Variants in VRK1 observed in about 807,000 individuals in gnomAD.
VRK1 encodes serine/threonine-protein kinase VRK1.
In VRK1, 33 loss-of-function variants were observed where a neutral mutation model predicts 57.1. That is an observed-to-expected ratio of 0.58 (90% CI 0.44 to 0.77). The LOEUF (loss-of-function observed/expected upper bound fraction) is 0.77. VRK1 is among the 30% of genes least tolerant of loss of function. The pLI is 0.00. For missense variants in VRK1, 413 were observed against 477.3 expected (o/e 0.87, Z 1.25); for synonymous variants, 137 against 147.8 (o/e 0.93, Z 0.53).
chr14:96,878,475 T>G (rs1285341555), intron 12 of VRK1, among the ~76,000 whole-genome samples: 1 of 152,194 alleles, frequency 6.6e-6, no homozygotes, highest in Non-Finnish European at 1.5e-5. Flanking sequence ...TGATTTACAG[T>G]ATGGTAAGAG....
chr14:96,814,896 C>T (rs1886334461), intron 1 of VRK1, among the ~76,000 whole-genome samples: 1 of 152,120 alleles, frequency 6.6e-6, no homozygotes, highest in African/African-American at 2.4e-5. Flanking sequence ...TATGTTGGTG[C>T]AAAAGTAATT....
intron 1 of VRK1, among the ~76,000 whole-genome samples, chr14:96,826,478 A>C (rs1295141966): frequency 6.6e-6 from 1 of 152,226 alleles, no homozygotes; most frequent in African/African-American, 2.4e-5. Context: ...CATTTCATTT[A>C]ATATCAGAGG....
At chr14:96,856,294 C>A in intron 9 of VRK1, 44 bp downstream of exon 9, 1 of 1,602,788 alleles carries the variant, frequency 6.2e-7, no homozygotes, top group South Asian at 1.1e-5. Flanking sequence ...CATGATAAGC[C>A]AAATGTTTTT....
chr14:96,842,585 TATC>T (rs1469287794), intron 3 of VRK1, among the ~76,000 whole-genome samples: 1 of 152,262 alleles, frequency 6.6e-6, no homozygotes, highest in Non-Finnish European at 1.5e-5. Context: ...AGCATTATTT[TATC>T]ATTAGAGAAA....
At chr14:96,840,815 G>A (rs1379943610) in intron 3 of VRK1, among the ~76,000 whole-genome samples, 3 of 151,812 alleles carry the variant, frequency 2.0e-5, no homozygotes, top group African/African-American at 4.8e-5. Context: ...CTTAAAGGTG[G>A]AACAGTGTAT....
chr14:96,860,525 A>G (rs1595680614), intron 10 of VRK1, 32 bp from the exon 11 acceptor site: 12 of 1,589,276 alleles, frequency 7.6e-6, no homozygotes, highest in Non-Finnish European at 9.5e-6. Context: ...AAATATATTG[A>G]AAGTTATAAA....
At chr14:96,799,823 G>T (rs1425278061) in intron 1 of VRK1, among the ~76,000 whole-genome samples, 1 of 152,072 alleles carries the variant, frequency 6.6e-6, no homozygotes, top group Non-Finnish European at 1.5e-5. Context: ...AAGGAGAAAT[G>T]GACTCATTTA....
At chr14:96,876,741 G>A (rs1889046320) in intron 12 of VRK1, among the ~76,000 whole-genome samples, 1 of 146,690 alleles carries the variant, frequency 6.8e-6, no homozygotes, top group African/African-American at 2.5e-5. Context: ...AGGAATTAAA[G>A]CTTTATGGAT....
chr14:96,809,565 G>GCTTT (rs1566684404), intron 1 of VRK1, among the ~76,000 whole-genome samples: 7 of 143,724 alleles, frequency 4.9e-5, no homozygotes, highest in South Asian at 2.1e-4. Flanking sequence ...TTGCTTGCTT[G>GCTTT]CTTTCTTTTT....
At chr14:96,811,078 C>T (rs973378560) in intron 1 of VRK1, among the ~76,000 whole-genome samples, 17 of 151,890 alleles carry the variant, frequency 1.1e-4, no homozygotes, top group Admixed American at 2.0e-4. Flanking sequence ...TACAGGTGCA[C>T]GCCACCACGC....
chr14:96,866,140 T>C (rs28446674), intron 11 of VRK1, among the ~76,000 whole-genome samples: 19,964 of 152,164 alleles, frequency 0.13, 1,667 homozygotes, highest in Non-Finnish European at 0.19. Context: ...CTTATTCATA[T>C]TGGATAAGGA....
Position 96,855,262 on chromosome 14 carries a change from C to A in VRK1, c.615C>A (p.Cys205Ter). The change falls in exon 8 of 13, where the codon TGC (cysteine) becomes TGA (stop). Residue 205 changes from cysteine (C) to a stop codon, truncating the protein, a stop_gained. Coordinates refer to ENST00000216639, the MANE Select transcript of VRK1 (RefSeq NM_003384.3). LOFTEE classifies it high-confidence loss of function. ...ATTATGGCCTTGCTTATCGGTACTG[C>A]CCAGAAGGAGTTCATAAAGAATACA... is the stretch of plus-strand genomic sequence containing the variant. ...LVDYGLAYRYCPEGVHKEYKE... is the reference protein window; with the variant it reads ...LVDYGLAYRY 1 of 1,613,878 alleles carries A rather than the reference C, an allele frequency of 6.2e-7. No individual in the cohort carries two copies. Among genetic ancestry groups the A allele is most frequent in the Non-Finnish European group, 8.5e-7 (1 of 1,179,932 alleles).
chr14:96,880,016 T>C (rs1889194534), intron 12 of VRK1, among the ~76,000 whole-genome samples: 1 of 152,078 alleles, frequency 6.6e-6, no homozygotes, highest in Admixed American at 6.6e-5. Flanking sequence ...ATGGCCGTGT[T>C]ACAGAAATTT....
intron 11 of VRK1, 31 bp from the exon 12 acceptor site, chr14:96,875,999 C>A (rs577743007): frequency 1.1e-5 from 16 of 1,435,500 alleles, no homozygotes; most frequent in African/African-American, 7.0e-5. Flanking sequence ...TGTCAGATAT[C>A]TCTCTCTCTC....
chr14:96,864,400 T>A (rs1468021750), intron 11 of VRK1, among the ~76,000 whole-genome samples: 1 of 152,232 alleles, frequency 6.6e-6, no homozygotes, highest in East Asian at 1.9e-4. Flanking sequence ...ACATACTCTT[T>A]TGTTTCTTTC....
At chr14:96,801,903 G>T (rs1885677836) in intron 1 of VRK1, among the ~76,000 whole-genome samples, 2 of 152,100 alleles carry the variant, frequency 1.3e-5, no homozygotes, top group Non-Finnish European at 2.9e-5. Flanking sequence ...TGCTGTCTTG[G>T]AGTGGCAGAG....
chr14:96,837,708 ATATATT>A (rs1595663710), intron 2 of VRK1, 48 bp from the exon 3 acceptor site: 1 of 1,123,710 alleles, frequency 8.9e-7, no homozygotes, highest in Non-Finnish European at 1.2e-6. Flanking sequence ...CTAAATATTA[ATATATT>A]TATAATATTA....
At chr14:96,873,796 A>G (rs1202343838) in intron 11 of VRK1, among the ~76,000 whole-genome samples, 1 of 152,202 alleles carries the variant, frequency 6.6e-6, no homozygotes, top group Non-Finnish European at 1.5e-5. Flanking sequence ...GAAGGGTTTT[A>G]TTTTGGTTTT....
rs1887740076 is a variant in VRK1, at chr14:96,847,261, G to T, written c.291G>T (p.Gln97His). The T allele has an allele frequency of 1.2e-6, 2 of 1,613,136 alleles. No homozygotes were observed. Among genetic ancestry groups the T allele is most frequent in the Non-Finnish European group, 1.7e-6 (2 of 1,179,414 alleles). Residue 97 changes from glutamine to histidine, a missense_variant, in exon 5 of 13, where the codon CAG becomes CAT. Gln to His is a conservative substitution (Grantham distance 24). Around this residue, in one of 3 missense-constraint regions of VRK1, gnomAD observed 116 missense variants for 113.6 expected, o/e 1.02. Transcript: ENST00000216639. ...YQRAAKPEQI[Q>H]KWIRTRKLKY... ...AAGATCTGTTTTAATTTGTAGTTCAGAAATGGATTCGTACCCGTAAGCTGA... is the reference window on the plus strand; with the variant it reads ...AAGATCTGTTTTAATTTGTAGTTCATAAATGGATTCGTACCCGTAAGCTGA...
Sources: gnomAD v4.1 joint callset for allele counts (sites outside exome capture counted in the v4.1 genomes callset) on GRCh38, gnomAD v4.1.1 for gene constraint, gnomAD v4.1.1 regional missense constraint, MANE v1.5 for transcripts, NCBI Gene and HGNC (gene_info 2026-07-23, HGNC 2026-07-21) for gene names.